CSMD1: variants seen among roughly 807,000 people sequenced by gnomAD.
CSMD1 encodes the protein CUB and sushi domain-containing protein 1.
Under a neutral mutation model 417.5 loss-of-function variants are expected in CSMD1, and 213 were observed. The ratio of observed to expected loss-of-function variants is 0.51; its 90% confidence interval spans 0.46 to 0.57. CSMD1 has a LOEUF of 0.57. CSMD1 is among the 20% of genes least tolerant of loss of function. CSMD1 has a pLI of 0.00. For synonymous variants in CSMD1, 2,862 were observed against 1,736.8 expected (o/e 1.65, Z -16.11); for missense variants, 6,923 against 4,529.7 (o/e 1.53, Z -15.17).
chr8:3,884,896 T>C (rs1035213051), intron 5 of CSMD1, among the ~76,000 whole-genome samples: 1 of 149,468 alleles, frequency 6.7e-6, no homozygotes, highest in Non-Finnish European at 1.5e-5. Flanking sequence ...ATAACTTTTA[T>C]ATTAAAGGCC....
intron 52 of CSMD1, among the ~76,000 whole-genome samples, chr8:3,006,369 T>A (rs915878221): frequency 6.7e-5 from 10 of 148,512 alleles, no homozygotes; most frequent in Admixed American, 6.7e-4. Flanking sequence ...ACAGATTCAA[T>A]GCCATCCCCA....
At chr8:3,203,246 G>C (rs1229808833) in intron 31 of CSMD1, among the ~76,000 whole-genome samples, 2 of 152,184 alleles carry the variant, frequency 1.3e-5, no homozygotes, top group African/African-American at 4.8e-5. Flanking sequence ...TCAGGAGCCA[G>C]AATGCCCAGC....
intron 2 of CSMD1, among the ~76,000 whole-genome samples, chr8:4,467,867 C>CA (rs1353513026): frequency 2.6e-5 from 4 of 152,032 alleles, no homozygotes; most frequent in Non-Finnish European, 4.4e-5. Context: ...AAAGGAGTTC[C>CA]AAAAAAACAG....
At chr8:4,154,266 C>A (rs1388040123) in intron 3 of CSMD1, among the ~76,000 whole-genome samples, 1 of 142,438 alleles carries the variant, frequency 7.0e-6, no homozygotes, top group African/African-American at 2.4e-5. Flanking sequence ...AACAGTAATG[C>A]TAAAAAATAA....
At chr8:4,738,231 T>G (rs1157329141) in intron 1 of CSMD1, among the ~76,000 whole-genome samples, 1 of 152,196 alleles carries the variant, frequency 6.6e-6, no homozygotes, top group East Asian at 1.9e-4. Context: ...TACAGTCAAA[T>G]ATTTATCCAT....
chr8:4,254,475 A>C (rs1432665277), intron 3 of CSMD1, among the ~76,000 whole-genome samples: 1 of 152,124 alleles, frequency 6.6e-6, no homozygotes, highest in African/African-American at 2.4e-5. Context: ...AGCTGTCATA[A>C]TGTTGTAGTG....
chr8:3,215,994 A>G (rs1420389755), intron 29 of CSMD1, among the ~76,000 whole-genome samples: 3 of 149,570 alleles, frequency 2.0e-5, no homozygotes, highest in Non-Finnish European at 3.0e-5. Flanking sequence ...ATAATGTATT[A>G]TATTTAATAA....
intron 2 of CSMD1, among the ~76,000 whole-genome samples, chr8:4,573,066 C>T (rs192254165): frequency 3.9e-5 from 6 of 152,114 alleles, no homozygotes; most frequent in African/African-American, 1.4e-4. Flanking sequence ...TTAGAAAACG[C>T]TCCTTTAGCT....
intron 26 of CSMD1, among the ~76,000 whole-genome samples, chr8:3,247,335 C>T (rs1436536629): frequency 6.6e-6 from 1 of 152,168 alleles, no homozygotes; most frequent in South Asian, 2.1e-4. Flanking sequence ...TCCTCCTGCT[C>T]CTGGCCCCCT....
chr8:4,731,366 C>A (rs569988459), intron 1 of CSMD1, among the ~76,000 whole-genome samples: 1 of 152,146 alleles, frequency 6.6e-6, no homozygotes, highest in Admixed American at 6.5e-5. Flanking sequence ...CTGGAGCAAG[C>A]TGCATGTGAC....
In CSMD1 at chr8:4,896,281, T is replaced by A. The variant is rs1274441496; in HGVS notation, c.85+98051A>T. Among the ~76,000 whole-genome samples, 5 of 152,262 alleles carry A rather than the reference T, an allele frequency of 3.3e-5. No homozygotes were observed. The East Asian group carries it at 9.6e-4, about 29-fold the overall frequency. On this transcript the variant is annotated intron_variant, in intron 1 of 69. Coordinates refer to ENST00000635120, the MANE Select transcript of CSMD1 (RefSeq NM_033225.6). ...TCTCTATATGCTTTTCCCTAGCATA[T>A]CGCTAATTATGGGTCTCTTTACATT... is the stretch of plus-strand genomic sequence containing the variant.
intron 3 of CSMD1, among the ~76,000 whole-genome samples, chr8:4,189,845 A>G (rs187224667): frequency 6.6e-6 from 1 of 151,924 alleles, no homozygotes; most frequent in Non-Finnish European, 1.5e-5. Flanking sequence ...GCTTTTTAAC[A>G]TATTAATATT....
At chr8:3,768,767 C>G (rs1000009253) in intron 5 of CSMD1, among the ~76,000 whole-genome samples, 2 of 152,234 alleles carry the variant, frequency 1.3e-5, no homozygotes, top group African/African-American at 2.4e-5. Flanking sequence ...TTGACACACT[C>G]TCAGAAATCG....
intron 41 of CSMD1, among the ~76,000 whole-genome samples, chr8:3,141,173 G>A (rs1027785359): frequency 6.6e-6 from 1 of 152,224 alleles, no homozygotes; most frequent in Non-Finnish European, 1.5e-5. Context: ...CCATGGGAGA[G>A]AGTGTGTGCA....
intron 46 of CSMD1, among the ~76,000 whole-genome samples, chr8:3,102,914 G>C (rs570836906): frequency 6.6e-6 from 1 of 152,270 alleles, no homozygotes; most frequent in South Asian, 2.1e-4. Flanking sequence ...AATTCAACGA[G>C]TTTTATTAGC....
chr8:3,369,230 T>C (rs766508376), intron 19 of CSMD1, 24 bp downstream of exon 19: 1 of 1,149,018 alleles, frequency 8.7e-7, no homozygotes. Flanking sequence ...GTCTGTATGT[T>C]TGAGACCTAT....
intron 2 of CSMD1, among the ~76,000 whole-genome samples, chr8:4,627,077 T>C (rs2130830597): frequency 6.6e-6 from 1 of 152,294 alleles, no homozygotes; most frequent in East Asian, 1.9e-4. Flanking sequence ...ACATATTTTG[T>C]ATATAGCATT....
At chr8:3,152,222 G>GT (rs1047166178) in intron 39 of CSMD1, among the ~76,000 whole-genome samples, 4 of 152,186 alleles carry the variant, frequency 2.6e-5, no homozygotes, top group African/African-American at 9.6e-5. Context: ...CGACTCACAT[G>GT]TTTTGCTACT....
chr8:4,438,342 C>T (rs1441635265), intron 2 of CSMD1, among the ~76,000 whole-genome samples: 1 of 152,160 alleles, frequency 6.6e-6, no homozygotes, highest in Non-Finnish European at 1.5e-5. Flanking sequence ...AGTCTCTGAA[C>T]TCTGTCCTGC....
Sources: allele counts gnomAD v4.1 joint callset (sites outside exome capture counted in the v4.1 genomes callset), GRCh38; gene constraint gnomAD v4.1.1; transcripts MANE v1.5; gene names NCBI Gene and HGNC (gene_info 2026-07-23, HGNC 2026-07-21).